WRAP73: variants seen among roughly 807,000 people sequenced by gnomAD.
The protein encoded by WRAP73 is WD repeat containing, antisense to TP73.
Under a neutral mutation model 59.6 loss-of-function variants are expected in WRAP73, and 55 were observed. The ratio of observed to expected loss-of-function variants is 0.92; its 90% CI spans 0.74 to 1.15. The LOEUF (loss-of-function observed/expected upper bound fraction) is 1.15, where lower values mean the gene tolerates loss of function less well. WRAP73 is among the 50% of genes most tolerant of loss of function. The pLI is 0.00. For synonymous variants in WRAP73, 265 were observed against 258.2 expected (o/e 1.03, Z -0.25); for missense variants, 592 against 608.1 (o/e 0.97, Z 0.28).
intron 10 of WRAP73, 25 bp downstream of exon 10, chr1:3,632,188 C>A: frequency 6.2e-7 from 1 of 1,602,238 alleles, no homozygotes; most frequent in Non-Finnish European, 8.5e-7. Context: ...AAGGGTGAGA[C>A]AGCACCTGCG....
intron 3 of WRAP73, among the ~76,000 whole-genome samples, chr1:3,643,297 G>C (rs1644663700): frequency 6.6e-6 from 1 of 152,260 alleles, no homozygotes; most frequent in African/African-American, 2.4e-5. Flanking sequence ...TGAGACTCAA[G>C]AACAGTGAGG....
At chr1:3,648,806 T>G (rs1460408005) in intron 1 of WRAP73, among the ~76,000 whole-genome samples, 1 of 152,222 alleles carries the variant, frequency 6.6e-6, no homozygotes, top group Admixed American at 6.5e-5. Flanking sequence ...ACCTCTCATT[T>G]AATTGAGGAG....
chr1:3,635,742 G>A (rs1298029200), intron 6 of WRAP73: 1 of 560,008 alleles, frequency 1.8e-6, no homozygotes, highest in Non-Finnish European at 3.2e-6. Context: ...GATCACTTGA[G>A]TCCAGGAGGT....
chr1:3,634,419 G>A, intron 8 of WRAP73: 1 of 165,608 alleles, frequency 6.0e-6, no homozygotes, highest in Non-Finnish European at 1.3e-5. Flanking sequence ...TGGATGCGTG[G>A]CCCACTCCTC....
At chr1:3,640,504 AGCAGGGCGGG>A (rs1644630643) in intron 3 of WRAP73, among the ~76,000 whole-genome samples, 1 of 26,562 alleles carries the variant, frequency 3.8e-5, no homozygotes. Flanking sequence ...TCTGAGCATC[AGCAGGGCGGG>A]GTGCAGCGCC....
intron 9 of WRAP73, 138 bp downstream of exon 9, chr1:3,633,260 G>A (rs1454801622): frequency 1.2e-6 from 1 of 801,084 alleles, no homozygotes; most frequent in East Asian, 2.5e-5. Flanking sequence ...CCAACAGGCT[G>A]AGGGGCACAC....
At chr1:3,638,570 A>G (rs2101961686) in intron 4 of WRAP73, among the ~76,000 whole-genome samples, 180 bp downstream of exon 4, 1 of 152,320 alleles carries the variant, frequency 6.6e-6, no homozygotes, top group Admixed American at 6.5e-5. Context: ...TTTGAGACAC[A>G]TATGGAAATA....
chr1:3,641,222 T>C (rs954349585), intron 3 of WRAP73, among the ~76,000 whole-genome samples: 4 of 152,070 alleles, frequency 2.6e-5, no homozygotes, highest in African/African-American at 9.7e-5. Context: ...AAGGGGCCGC[T>C]GATCCACGCT....
chr1:3,636,802 C>A, intron 5 of WRAP73, 193 bp downstream of exon 5: 1 of 687,158 alleles, frequency 1.5e-6, no homozygotes, highest in Non-Finnish European at 2.6e-6. Flanking sequence ...GGCACGCGTC[C>A]TTTTCACCAA....
chr1:3,635,982 T>G lies in WRAP73; in HGVS notation c.565A>C (p.Asn189His), dbSNP rs756845576. 4 of 1,613,982 alleles carry G rather than the reference T, an allele frequency of 2.5e-6. No homozygotes were observed. In the South Asian group the frequency reaches 4.4e-5, roughly 18 times the overall value. The change falls in exon 6 of 12, where the codon AAC (asparagine) becomes CAC (histidine). Residue 189 changes from asparagine to histidine, a missense_variant. Coordinates refer to ENST00000270708, the MANE Select transcript of WRAP73 (RefSeq NM_017818.4). The stretch of plus-strand genomic sequence containing the variant: ...TCCCACACTGCCAGCACACAGCCGT[T>G]TGGGGCCCACTCAATCCCTGTGAGA... ...QDLTGIEWAP[N>H]GCVLAVWDTC...
rs923909045 is a variant in WRAP73, at chr1:3,630,834, C to G, written c.*141G>C. 3.5e-6 allele frequency: 4 copies of G among 1,133,590 alleles called. No individual in the cohort carries two copies. In the East Asian group the frequency reaches 7.2e-5, roughly 21 times the overall value. The allele number at this position is 1,133,590 out of a possible 1,614,324, so 70.2% of individuals were successfully genotyped here. ...TACAGTTTTATACCATACATATTTA[C>G]AAAAATGCTTTGCTATAGAAAAATA... On this transcript the variant is annotated 3_prime_UTR_variant, in exon 12 of 12. Coordinates refer to ENST00000270708, the MANE Select transcript of WRAP73 (RefSeq NM_017818.4).
chr1:3,634,737 A>G (rs997151250), intron 8 of WRAP73: 6 of 508,430 alleles, frequency 1.2e-5, no homozygotes, highest in Non-Finnish European at 2.1e-5. Context: ...ACAGACCACA[A>G]AGGAGAAAAC....
intron 3 of WRAP73, among the ~76,000 whole-genome samples, chr1:3,645,393 ACGGGCGGG>A (rs1310575436): frequency 1.4e-5 from 2 of 143,138 alleles, no homozygotes; most frequent in African/African-American, 5.6e-5. Context: ...GCGCAGCGGG[ACGGGCGGG>A]TTGCCCCGTG....
intron 10 of WRAP73, 180 bp downstream of exon 10, chr1:3,632,033 T>G: frequency 6.7e-7 from 1 of 1,486,840 alleles, no homozygotes; most frequent in Non-Finnish European, 8.9e-7. Context: ...CTGCGGCTGC[T>G]GCAGGACAAA....
At chr1:3,641,949 A>G (rs1440538921) in intron 3 of WRAP73, among the ~76,000 whole-genome samples, 1 of 152,258 alleles carries the variant, frequency 6.6e-6, no homozygotes, top group Non-Finnish European at 1.5e-5. Flanking sequence ...TGAAACAAAA[A>G]GAACCGTGAG....
chr1:3,643,193 G>C (rs976893504), intron 3 of WRAP73, among the ~76,000 whole-genome samples: 4 of 152,340 alleles, frequency 2.6e-5, no homozygotes, highest in Non-Finnish European at 4.4e-5. Flanking sequence ...CAGTGACGGG[G>C]AACAGCAACA....
chr1:3,637,218 G>C, intron 4 of WRAP73, 120 bp from the exon 5 acceptor site: 1 of 843,788 alleles, frequency 1.2e-6, no homozygotes, highest in Non-Finnish European at 1.9e-6. Flanking sequence ...GAAGGGAAAT[G>C]GCACAATGCC....
At chr1:3,634,847 A>G in intron 8 of WRAP73, 150 bp downstream of exon 8, 1 of 941,660 alleles carries the variant, frequency 1.1e-6, no homozygotes, top group Non-Finnish European at 1.7e-6. Context: ...GGGCAGGGCC[A>G]GACGCGTGAA....
In WRAP73 at chr1:3,649,928, C is replaced by T; in HGVS notation, c.69+3G>A. 6.2e-7 allele frequency: 1 copy of T among 1,600,824 alleles called. No homozygotes were observed. Among genetic ancestry groups the T allele is most frequent in the East Asian group, 2.3e-5 (1 of 43,740 alleles). On this transcript the variant is annotated splice_donor_region_variant and intron_variant, in intron 1 of 11. Transcript: ENST00000270708. ...GCCCGTGGCCCAGGTCCCCGCCGCT[C>T]ACCAGGTACTTGCCGTCCGGGGAGA...
Sources: allele counts gnomAD v4.1 joint callset (sites outside exome capture counted in the v4.1 genomes callset), GRCh38; gene constraint gnomAD v4.1.1; transcripts MANE v1.5; gene names NCBI Gene and HGNC (gene_info 2026-07-23, HGNC 2026-07-21).